Variants in DLGAP1 observed in about 807,000 individuals in gnomAD.
The protein encoded by DLGAP1 is disks large-associated protein 1.
A neutral mutation model predicts 90.8 loss-of-function variants in DLGAP1; 11 were observed. That is an observed-to-expected ratio of 0.12 (90% CI 0.08 to 0.20). The LOEUF (loss-of-function observed/expected upper bound fraction) is 0.20, where lower values mean the gene tolerates loss of function less well. DLGAP1 is among the 10% of genes least tolerant of loss of function. The probability of loss-of-function intolerance (pLI) is 1.00; values close to 1 mark genes in which losing one functional copy is unlikely to be tolerated. For synonymous variants in DLGAP1, 558 were observed against 540.7 expected (o/e 1.03, Z -0.44); for missense variants, 1,050 against 1,333.8 (o/e 0.79, Z 3.31).
At chr18:3,611,723 C>T (rs2057641216) in intron 7 of DLGAP1, among the ~76,000 whole-genome samples, 1 of 152,200 alleles carries the variant, frequency 6.6e-6, no homozygotes, top group South Asian at 2.1e-4. Flanking sequence ...CCTTCTCTAT[C>T]ACCCTCCAGT....
chr18:3,547,549 T>G (rs1452676310), intron 9 of DLGAP1, among the ~76,000 whole-genome samples: 3 of 151,144 alleles, frequency 2.0e-5, no homozygotes, highest in African/African-American at 7.3e-5. Context: ...GATATATAGA[T>G]CCACACCACA....
chr18:3,701,308 T>C (rs2061272340), intron 7 of DLGAP1, among the ~76,000 whole-genome samples: 2 of 152,170 alleles, frequency 1.3e-5, no homozygotes, highest in African/African-American at 2.4e-5. Context: ...CATTCTGTAG[T>C]GTCTATGTGT....
intron 2 of DLGAP1, among the ~76,000 whole-genome samples, chr18:4,005,727 C>T (rs8082756): frequency 0.02 from 2,992 of 152,268 alleles, 105 homozygotes; most frequent in African/African-American, 0.068. Context: ...TCCATCACAC[C>T]TGGCCCACAG....
chr18:3,695,576 A>G (rs1351410189), intron 7 of DLGAP1, among the ~76,000 whole-genome samples: 2 of 152,222 alleles, frequency 1.3e-5, no homozygotes, highest in South Asian at 2.1e-4. Context: ...CTGTTTTGGT[A>G]CCCATACCAT....
intron 2 of DLGAP1, among the ~76,000 whole-genome samples, chr18:4,082,170 G>C (rs767970700): frequency 6.6e-6 from 1 of 151,762 alleles, no homozygotes; most frequent in African/African-American, 2.4e-5. Flanking sequence ...GTGAAATCCT[G>C]CCTCTACTAA....
intron 1 of DLGAP1, among the ~76,000 whole-genome samples, chr18:4,353,801 A>C (rs571325176): frequency 6.6e-6 from 1 of 152,172 alleles, no homozygotes; most frequent in African/African-American, 2.4e-5. Flanking sequence ...TTAATCCTGA[A>C]GTTTAGTGTT....
At chr18:4,207,545 C>T (rs1183959152) in intron 1 of DLGAP1, among the ~76,000 whole-genome samples, 1 of 152,168 alleles carries the variant, frequency 6.6e-6, no homozygotes, top group Non-Finnish European at 1.5e-5. Flanking sequence ...CGGAATTTAC[C>T]ATCTGAGGTA....
intron 1 of DLGAP1, among the ~76,000 whole-genome samples, chr18:4,159,136 G>A (rs2076803799): frequency 6.6e-6 from 1 of 152,250 alleles, no homozygotes; most frequent in Non-Finnish European, 1.5e-5. Flanking sequence ...GACATAATGT[G>A]CACATAGTAC....
chr18:3,644,397 T>A (rs1052997134), intron 7 of DLGAP1, among the ~76,000 whole-genome samples: 1 of 147,114 alleles, frequency 6.8e-6, no homozygotes, highest in East Asian at 2.0e-4. Flanking sequence ...ACAATACTAT[T>A]TTATTTTATT....
intron 7 of DLGAP1, among the ~76,000 whole-genome samples, chr18:3,718,068 T>C (rs571238002): frequency 2.0e-5 from 3 of 152,344 alleles, no homozygotes; most frequent in South Asian, 4.1e-4. Flanking sequence ...GTTACCAATT[T>C]TTAAATAAAA....
chr18:3,973,317 C>T (rs913283021), intron 3 of DLGAP1, among the ~76,000 whole-genome samples: 1 of 136,884 alleles, frequency 7.3e-6, no homozygotes, highest in Non-Finnish European at 1.6e-5. Flanking sequence ...AAAGTCAATA[C>T]ATTTGCTTTT....
intron 2 of DLGAP1, among the ~76,000 whole-genome samples, chr18:4,121,470 G>A (rs1017053819): frequency 6.6e-5 from 10 of 151,880 alleles, no homozygotes; most frequent in Admixed American, 3.3e-4. Flanking sequence ...CTCACCCCCC[G>A]TCCTCAACAT....
chr18:4,228,503 G>A (rs1337113884), intron 1 of DLGAP1, among the ~76,000 whole-genome samples: 1 of 152,032 alleles, frequency 6.6e-6, no homozygotes. Context: ...ACGGCCAAGT[G>A]AGATTTATCC....
At chr18:3,691,330 A>G (rs918713558) in intron 7 of DLGAP1, among the ~76,000 whole-genome samples, 12 of 151,962 alleles carry the variant, frequency 7.9e-5, no homozygotes, top group African/African-American at 2.9e-4. Flanking sequence ...GGGGAGGCTG[A>G]GGCAGAAGAA....
chr18:3,553,865 C>T (rs937725070), intron 9 of DLGAP1, among the ~76,000 whole-genome samples: 16 of 152,062 alleles, frequency 1.1e-4, no homozygotes, highest in African/African-American at 3.9e-4. Context: ...TACTCCAAAG[C>T]CTATCAAAAT....
chr18:3,972,362 TA>T lies in DLGAP1; in HGVS notation c.-73+32753del, dbSNP rs200269730. Among the ~76,000 whole-genome samples the T allele has an allele frequency of 9.6e-3, 1,458 of 152,128 alleles. 28 individuals carry two copies. The highest frequency in any genetic ancestry group is 0.033 in the African/African-American group (1,385 of 41,494). On this transcript the variant is annotated intron_variant, in intron 3 of 12. Coordinates refer to ENST00000315677, the MANE Select transcript of DLGAP1 (RefSeq NM_004746.4). The stretch of plus-strand genomic sequence containing the variant: ...TTCCGTCTCTATTTAAAAATAATTT[TA>T]AAAAATTATATCTATCTATATCAGT...
intron 1 of DLGAP1, among the ~76,000 whole-genome samples, chr18:4,405,623 T>C (rs761358932): frequency 5.9e-5 from 9 of 152,074 alleles, no homozygotes; most frequent in Non-Finnish European, 1.0e-4. Context: ...ACGTCCCTAT[T>C]GTTCTGAAGA....
At position 4,182,375 on chromosome 18, in the gene DLGAP1, G is replaced by A. The variant is rs1048742999; in HGVS notation, c.-266-31088C>T. 4.6e-5 allele frequency among the ~76,000 whole-genome samples: 7 copies of A among 152,088 alleles called. 1 individual carries two copies. The highest frequency in any genetic ancestry group is 3.9e-4 in the East Asian group (2 of 5,178). ...ACTGAAGAGAGTTTTTCACCCTTAC[G>A]GGCCGGAAGATGGCACCAGAGGAAA... On this transcript the variant is annotated intron_variant, in intron 1 of 12. Transcript: ENST00000315677.
chr18:4,281,926 A>G (rs1375098374), intron 1 of DLGAP1, among the ~76,000 whole-genome samples: 1 of 152,218 alleles, frequency 6.6e-6, no homozygotes, highest in African/African-American at 2.4e-5. Context: ...CTATAATGTA[A>G]GAAGGGTAGT....
Sources: allele counts gnomAD v4.1 joint callset (sites outside exome capture counted in the v4.1 genomes callset), GRCh38; gene constraint gnomAD v4.1.1; transcripts MANE v1.5; gene names NCBI Gene and HGNC (gene_info 2026-07-23, HGNC 2026-07-21).